KCTD20: variants seen among roughly 807,000 people sequenced by gnomAD.
KCTD20 encodes BTB/POZ domain-containing protein KCTD20.
A neutral mutation model predicts 39.6 loss-of-function variants in KCTD20; 30 were observed. That is an observed-to-expected ratio of 0.76 (90% CI 0.57 to 1.03). The LOEUF (loss-of-function observed/expected upper bound fraction) is 1.03, where lower values mean the gene tolerates loss of function less well. Among genes scored for constraint, KCTD20 ranks in the 50% least tolerant of loss-of-function variants. The pLI is 0.00. For synonymous variants in KCTD20, 162 were observed against 180.6 expected (o/e 0.90, Z 0.83); for missense variants, 422 against 522.0 (o/e 0.81, Z 1.87).
At chr6:36,465,370 C>A (rs1775717040) in intron 1 of KCTD20, among the ~76,000 whole-genome samples, 1 of 147,768 alleles carries the variant, frequency 6.8e-6, no homozygotes, top group African/African-American at 2.5e-5. Flanking sequence ...CCATGCCATT[C>A]CAATTAGTTT....
chr6:36,465,305 A>AG (rs916444588), intron 1 of KCTD20, among the ~76,000 whole-genome samples: 3 of 151,658 alleles, frequency 2.0e-5, no homozygotes, highest in Non-Finnish European at 4.4e-5. Context: ...TCAAAAAAAA[A>AG]AAAAAAAACA....
chr6:36,481,711 G>C lies in KCTD20; in HGVS notation c.808G>C (p.Asp270His). The change falls in exon 6 of 8, where the codon GAC becomes CAC. Residue 270 changes from aspartate (D) to histidine (H), a missense_variant. Physicochemically the swap from Asp to His is moderately conservative, Grantham distance 81. Coordinates refer to ENST00000373731, the MANE Select transcript of KCTD20 (RefSeq NM_173562.5). ...IVVLTDEDSV[D>H]WDEDHPPPMG... ...TGTGCTGACGGATGAGGATTCTGTG[G>C]ACTGGGATGAAGACCACCCTCCACC... The C allele has an allele frequency of 6.2e-7, 1 of 1,614,218 alleles. No individual in the cohort carries two copies. The highest frequency in any genetic ancestry group is 8.5e-7 in the Non-Finnish European group (1 of 1,180,038).
intron 1 of KCTD20, among the ~76,000 whole-genome samples, chr6:36,453,813 A>T (rs1582309303): frequency 6.6e-6 from 1 of 152,116 alleles, no homozygotes; most frequent in South Asian, 2.1e-4. Flanking sequence ...CCCGGCCTCT[A>T]ATATATGTTT....
At chr6:36,467,051 T>C (rs1165576151) in intron 1 of KCTD20, among the ~76,000 whole-genome samples, 1 of 152,042 alleles carries the variant, frequency 6.6e-6, no homozygotes, top group Non-Finnish European at 1.5e-5. Context: ...TGCACACCTG[T>C]AATCCCAGCA....
At chr6:36,454,265 T>G (rs1013817748) in intron 1 of KCTD20, among the ~76,000 whole-genome samples, 4 of 152,236 alleles carry the variant, frequency 2.6e-5, no homozygotes, top group African/African-American at 9.6e-5. Flanking sequence ...ACAGCCATGC[T>G]TACTCATTTA....
intron 5 of KCTD20, among the ~76,000 whole-genome samples, 183 bp downstream of exon 5, chr6:36,479,894 G>A (rs1256838436): frequency 2.9e-4 from 43 of 147,474 alleles, no homozygotes; most frequent in Non-Finnish European, 1.0e-4. Context: ...TGGGTTCAAG[G>A]GATTTTCCCT....
At chr6:36,450,295 G>A (rs916142548) in intron 1 of KCTD20, among the ~76,000 whole-genome samples, 5 of 151,556 alleles carry the variant, frequency 3.3e-5, no homozygotes, top group East Asian at 1.9e-4. Context: ...TGAGACCAGC[G>A]TGGCCAACAT....
intron 1 of KCTD20, among the ~76,000 whole-genome samples, chr6:36,450,492 A>G (rs1421191449): frequency 6.6e-6 from 1 of 151,746 alleles, no homozygotes; most frequent in Non-Finnish European, 1.5e-5. Context: ...TGTCTCAAAA[A>G]AAAAAAAAAG....
rs973358845 is a variant in KCTD20 at position 36,487,988 on chromosome 6, C to T, written c.*813C>T. On this transcript the variant is annotated 3_prime_UTR_variant, in exon 8 of 8. Coordinates refer to ENST00000373731, the MANE Select transcript of KCTD20 (RefSeq NM_173562.5). Reference sequence around the variant, plus strand: ...TGGTGTGAAACCATAGGTCTTAACACTCTGGAGCAGCACATTGCTGTGGAT... The same window carrying T: ...TGGTGTGAAACCATAGGTCTTAACATTCTGGAGCAGCACATTGCTGTGGAT... 1.3e-5 allele frequency: 2 copies of T among 152,336 alleles called. No homozygotes were observed. The highest frequency in any genetic ancestry group is 3.4e-3 in the Middle Eastern group (1 of 294). The allele number at this position is 152,336 out of a possible 1,614,324, so 9.4% of individuals were successfully genotyped here. A position where few individuals can be genotyped will look rare whatever the true frequency, so the allele number is the denominator to read the frequency against.
chr6:36,473,044 C>A (rs1239245067), intron 2 of KCTD20, among the ~76,000 whole-genome samples: 1 of 151,260 alleles, frequency 6.6e-6, no homozygotes, highest in Non-Finnish European at 1.5e-5. Flanking sequence ...GAATTACAGG[C>A]ACCCACCACC....
At chr6:36,465,352 T>C (rs1775716376) in intron 1 of KCTD20, among the ~76,000 whole-genome samples, 1 of 150,314 alleles carries the variant, frequency 6.7e-6, no homozygotes. Flanking sequence ...ACATCAATAT[T>C]ATTGCCCCCA....
intron 1 of KCTD20, among the ~76,000 whole-genome samples, chr6:36,460,931 C>T (rs1775584227): frequency 6.6e-6 from 1 of 152,084 alleles, no homozygotes; most frequent in African/African-American, 2.4e-5. Flanking sequence ...TTTCCTTAAC[C>T]TCCTTCTTCC....
At position 36,483,235 on chromosome 6, in the gene KCTD20, T is replaced by C. The variant is rs535292118; in HGVS notation, c.856+1476T>C. Among the ~76,000 whole-genome samples, 116 of 148,848 alleles carry C rather than the reference T, an allele frequency of 7.8e-4. 1 individual carries two copies. In the South Asian group the frequency reaches 0.01, roughly 13 times the overall value. On this transcript the variant is annotated intron_variant, in intron 6 of 7. Coordinates refer to ENST00000373731, the MANE Select transcript of KCTD20 (RefSeq NM_173562.5). ...AACAATACATGACAGGTTTGTTTCC[T>C]ACCCCCTCACCAAAACAGTGGCTTT...
chr6:36,484,185 C>T (rs1776349305), intron 6 of KCTD20, among the ~76,000 whole-genome samples: 1 of 152,210 alleles, frequency 6.6e-6, no homozygotes, highest in African/African-American at 2.4e-5. Flanking sequence ...ATCTGCCTGC[C>T]TCGGCCTCCC....
intron 7 of KCTD20, among the ~76,000 whole-genome samples, chr6:36,486,271 A>G (rs945496227): frequency 1.3e-5 from 2 of 152,164 alleles, no homozygotes; most frequent in Non-Finnish European, 1.5e-5. Context: ...CTTGTCTGTT[A>G]GGTGCATTTC....
chr6:36,453,018 T>C (rs1400218593), intron 1 of KCTD20, among the ~76,000 whole-genome samples: 1 of 143,346 alleles, frequency 7.0e-6, no homozygotes, highest in Non-Finnish European at 1.5e-5. Context: ...TTTTTTTTTT[T>C]TTTTTTGGAT....
intron 1 of KCTD20, among the ~76,000 whole-genome samples, chr6:36,464,004 A>G (rs1775671948): frequency 6.6e-6 from 1 of 152,204 alleles, no homozygotes. Flanking sequence ...ATAATGGGAA[A>G]ATGCTATGAT....
chr6:36,475,748 T>TA (rs1244079772), intron 3 of KCTD20, among the ~76,000 whole-genome samples: 10 of 126,614 alleles, frequency 7.9e-5, no homozygotes, highest in Non-Finnish European at 6.4e-5. Context: ...TGCTCCCTTT[T>TA]TAAAAAAAAA....
intron 1 of KCTD20, among the ~76,000 whole-genome samples, chr6:36,448,015 G>GTGTATGTGTATATATATATATATATA (rs559687288): frequency 2.3e-5 from 3 of 128,954 alleles, no homozygotes; most frequent in African/African-American, 1.0e-4. Context: ...ATGTGTGTGT[G>GTGTATGTGTATATATATATATATATA]TATATATATA....
Sources: allele counts gnomAD v4.1 joint callset (sites outside exome capture counted in the v4.1 genomes callset), GRCh38; gene constraint gnomAD v4.1.1; transcripts MANE v1.5; gene names NCBI Gene and HGNC (gene_info 2026-07-23, HGNC 2026-07-21).